ADCY4: variants seen among roughly 807,000 people sequenced by gnomAD.
The protein encoded by ADCY4 is adenylate cyclase 4, also known as adenylate cyclase type 4.
Under a neutral mutation model 125.5 loss-of-function variants are expected in ADCY4, and 111 were observed. That is an observed-to-expected ratio of 0.88 (90% CI 0.76 to 1.04). ADCY4 has a LOEUF of 1.04. Among genes scored for constraint, ADCY4 ranks in the 50% least tolerant of loss-of-function variants. The pLI is 0.00. For missense variants in ADCY4, 1,256 were observed against 1,382.9 expected, an observed-to-expected ratio of 0.91 and a Z score of 1.46; for synonymous variants, 576 against 586.9, an observed-to-expected ratio of 0.98 and a Z score of 0.27.
Position 24,323,093 on chromosome 14 carries a change from G to T in ADCY4, c.2158-5C>A, listed in dbSNP as rs1244940307. 6.2e-7 allele frequency: 1 copy of T among 1,613,820 alleles called. No individual in the cohort carries two copies. The highest frequency in any genetic ancestry group is 8.5e-7 in the Non-Finnish European group (1 of 1,179,860). On this transcript the variant is annotated splice_region_variant and splice_polypyrimidine_tract_variant and intron_variant, in intron 17 of 24. Transcript: ENST00000418030. ...CGTGCAGCAGTGCATGGAGTACTGT[G>T]GGGCCAGGCAGGGGTCAGGAGTGGG...
At chr14:24,326,852 T>C (rs565960002) in intron 10 of ADCY4, among the ~76,000 whole-genome samples, 129 of 149,872 alleles carry the variant, frequency 8.6e-4, no homozygotes, top group Non-Finnish European at 1.5e-3. Flanking sequence ...CCTCGGCTTC[T>C]CAAAGTGCTG....
In ADCY4 at chr14:24,332,453, C is replaced by T. The variant is rs769041733; in HGVS notation, c.519+69G>A. ...GACTTGGAGTCACAGCTCAACAACC[C>T]CCTAAAAGGAGCCTACTAGCACGTG... On this transcript the variant is annotated intron_variant, in intron 3 of 24. Coordinates refer to ENST00000418030, the MANE Select transcript of ADCY4 (RefSeq NM_001198568.2). 1.1e-5 allele frequency: 17 copies of T among 1,496,538 alleles called. No individual in the cohort carries two copies. The African/African-American group carries it at 1.7e-4, about 15-fold the overall frequency. The allele number at this position is 1,496,538 out of a possible 1,614,324, so 92.7% of individuals were successfully genotyped here. A position where few individuals can be genotyped will look rare whatever the true frequency, so the allele number is the denominator to read the frequency against.
rs750000650 is a variant in ADCY4 at position 24,329,472 on chromosome 14, C to T, written c.1279G>A (p.Ala427Thr). The T allele has an allele frequency of 8.2e-6, 13 of 1,581,090 alleles. No homozygotes were observed. The highest frequency in any genetic ancestry group is 4.1e-5 in the African/African-American group (3 of 73,234). The change falls in exon 9 of 25, where the codon GCA becomes ACA. Residue 427 changes from alanine (A) to threonine (T), a missense_variant. Transcript: ENST00000418030. ...TAGGGGTCCCGATGCTCCATGCCTG[C>T]GTCCTCCACAGCATAAGCCCCTGCC... is the stretch of plus-strand genomic sequence containing the variant. ...LLAGAYAVED[A>T]GMEHRDPYLR...
chr14:24,319,876 G>A lies in ADCY4; in HGVS notation c.2599C>T (p.Gln867Ter). 6.2e-7 allele frequency: 1 copy of A among 1,613,536 alleles called. No individual in the cohort carries two copies. The highest frequency in any genetic ancestry group is 8.5e-7 in the Non-Finnish European group (1 of 1,179,954). Residue 867 changes from glutamine to a stop codon, truncating the protein, a stop_gained, in exon 21 of 25, where the codon CAG (glutamine) becomes TAG (stop). Transcript: ENST00000418030. LOFTEE classifies it high-confidence loss of function. This position sits in a 1 kb window ranked among gnomAD's most constrained non-coding sequence, Gnocchi z 4.5. ...AGGACACAAACGCATTCATAGGACT[G>A]GTGGTAGAGATCCTGGGGGAACAGG... The part of the protein sequence containing the change: ...QNRRNEDLYH[Q>*]SYECVCVLFA...
intron 14 of ADCY4, 56 bp downstream of exon 14, chr14:24,325,321 G>A: frequency 6.7e-7 from 1 of 1,488,164 alleles, no homozygotes; most frequent in Non-Finnish European, 9.4e-7. Context: ...GGGGTCATGA[G>A]GGCAAGGTGA....
Position 24,330,298 on chromosome 14 carries a change from G to T in ADCY4, c.931-3C>A. On this transcript the variant is annotated splice_region_variant and splice_polypyrimidine_tract_variant and intron_variant, in intron 6 of 24. Transcript: ENST00000418030. ...TTGATCCGCATGCATTCATGCTCCT[G>T]GGAGTGTGTATGTGGGTGTGCAGAG... 1.2e-6 allele frequency: 2 copies of T among 1,614,118 alleles called. No individual in the cohort carries two copies. The highest frequency in any genetic ancestry group is 2.2e-5 in the South Asian group (2 of 91,058).
At chr14:24,323,748 TCCCAGGTG>T in intron 16 of ADCY4, 1 of 759,762 alleles carries the variant, frequency 1.3e-6, no homozygotes, top group Non-Finnish European at 1.6e-6. Flanking sequence ...GGTGGGTGAT[TCCCAGGTG>T]CCCACCAGGA....
In ADCY4 at chr14:24,322,087, A is replaced by G. The variant is rs2041860770; in HGVS notation, c.2565T>C (p.Ile855=). The part of the protein sequence containing the change: ...VLPAHVAPQF[I]GQNRRNEDLY... ...TCACCTCGTTGCGCCGGTTCTGGCC[A>G]ATGAACTGGGGGGCCACGTGTGCAG... The change falls in exon 20 of 25, where the codon ATT becomes ATC. Residue 855 remains isoleucine, a synonymous_variant. Coordinates refer to ENST00000418030, the MANE Select transcript of ADCY4 (RefSeq NM_001198568.2). The G allele has an allele frequency of 1.2e-6, 2 of 1,613,650 alleles. No individual in the cohort carries two copies. The highest frequency in any genetic ancestry group is 1.7e-6 in the Non-Finnish European group (2 of 1,179,622).
chr14:24,318,455 G>A lies in ADCY4; in HGVS notation c.3195C>T (p.Asp1065=). 2 of 1,614,212 alleles carry A rather than the reference G, an allele frequency of 1.2e-6. No homozygotes were observed. The highest frequency in any genetic ancestry group is 1.7e-6 in the Non-Finnish European group (2 of 1,180,028). ...GQLCTYFLNT[D]LTRTGPPSAT... is the part of the protein sequence containing the mutation. ...CTGAAGGAGGTCCAGTTCGTGTCAA[G>A]TCTGTGTTCAGGAAGTAGGTGCAGA... The change falls in exon 25 of 25, where the codon GAC becomes GAT. Residue 1065 remains aspartate, a synonymous_variant. Coordinates refer to ENST00000418030, the MANE Select transcript of ADCY4 (RefSeq NM_001198568.2).
chr14:24,319,580 C>A lies in ADCY4; in HGVS notation c.2734-144G>T. 1 of 1,199,958 alleles carries A rather than the reference C, an allele frequency of 8.3e-7. No individual in the cohort carries two copies. Among genetic ancestry groups the A allele is most frequent in the Non-Finnish European group, 1.2e-6 (1 of 832,198 alleles). The allele number at this position is 1,199,958 out of a possible 1,614,324, so 74.3% of individuals were successfully genotyped here. A position where few individuals can be genotyped will look rare whatever the true frequency, so the allele number is the denominator to read the frequency against. ...CAGGAAGGAGAGGGTTGGTGGTGGGCAGTGTTGCTGGAGTGGGTAGATCTG... is the reference window on the plus strand; with the variant it reads ...CAGGAAGGAGAGGGTTGGTGGTGGGAAGTGTTGCTGGAGTGGGTAGATCTG... On this transcript the variant is annotated intron_variant, in intron 21 of 24. Transcript: ENST00000418030. This position sits in a 1 kb window ranked among gnomAD's most constrained non-coding sequence, Gnocchi z 4.5.
intron 12 of ADCY4, 44 bp from the exon 13 acceptor site, chr14:24,325,931 G>T: frequency 6.3e-7 from 1 of 1,576,596 alleles, no homozygotes; most frequent in East Asian, 2.3e-5. Context: ...AGAGAACAGA[G>T]GGCACAGAAG....
Position 24,318,723 on chromosome 14 carries a change from A to C in ADCY4, c.3012T>G (p.Tyr1004Ter). ...CGTTCACTGTGTTGCCCCAAATGTC[A>C]TATTGCGGCTTCTGGGCCCCAATAA... ...AGVIGAQKPQ[Y>*]DIWGNTVNVA... The change falls in exon 24 of 25, where the codon TAT (tyrosine) becomes TAG (stop). Residue 1004 changes from tyrosine to a stop codon, truncating the protein, a stop_gained. Transcript: ENST00000418030. LOFTEE classifies it high-confidence loss of function. 6.2e-7 allele frequency: 1 copy of C among 1,614,112 alleles called. No individual in the cohort carries two copies. Among genetic ancestry groups the C allele is most frequent in the Non-Finnish European group, 8.5e-7 (1 of 1,180,020 alleles).
rs1299355427 is a variant in ADCY4, at chr14:24,334,494, C to A, written c.159G>T (p.Arg53Ser). The change falls in exon 1 of 25, where the codon AGG becomes AGT. Residue 53 changes from arginine (R) to serine (S), a missense_variant and splice_region_variant. By Grantham distance (110) the Arg-to-Ser change is moderately radical (BLOSUM62 -1). Coordinates refer to ENST00000418030, the MANE Select transcript of ADCY4 (RefSeq NM_001198568.2). ...CTCCCGCAGCAGAGGCTCGGCTCAC[C>A]CTGCCGCTGGCCCAGGCCACTGCGA... ...ALLAVAWASG[R>S]ELTSDPSFLT... The A allele has an allele frequency of 3.2e-6, 5 of 1,578,104 alleles. No individual in the cohort carries two copies. The highest frequency in any genetic ancestry group is 1.3e-5 in the African/African-American group (1 of 74,218).
At chr14:24,321,097 T>C (rs1160495042) in intron 20 of ADCY4, among the ~76,000 whole-genome samples, 4 of 150,826 alleles carry the variant, frequency 2.7e-5, no homozygotes, top group East Asian at 1.9e-4. Context: ...CATTTCTTTT[T>C]TTTTTTTTTT....
chr14:24,325,374 C>A lies in ADCY4; in HGVS notation c.1823+3G>T. 1 of 1,612,952 alleles carries A rather than the reference C, an allele frequency of 6.2e-7. No homozygotes were observed. Among genetic ancestry groups the A allele is most frequent in the Non-Finnish European group, 8.5e-7 (1 of 1,179,434 alleles). On this transcript the variant is annotated splice_donor_region_variant and intron_variant, in intron 14 of 24. Transcript: ENST00000418030. The stretch of plus-strand genomic sequence containing the variant: ...GGGCCTCCTTTGCCTGGGGCACTCT[C>A]ACCTGTTTGTCACTAGCATCTGGAT...
intron 7 of ADCY4, 46 bp downstream of exon 7, chr14:24,330,122 C>T (rs767445027): frequency 3.7e-6 from 6 of 1,602,342 alleles, no homozygotes; most frequent in Non-Finnish European, 5.1e-6. Flanking sequence ...CCTGCTGCCC[C>T]CCACATCCAC....
Position 24,325,374 on chromosome 14 carries a change from C to T in ADCY4, c.1823+3G>A, listed in dbSNP as rs2041925736. The T allele has an allele frequency of 6.2e-7, 1 of 1,612,952 alleles. No individual in the cohort carries two copies. Among genetic ancestry groups the T allele is most frequent in the African/African-American group, 1.3e-5 (1 of 74,588 alleles). ...GGGCCTCCTTTGCCTGGGGCACTCTCACCTGTTTGTCACTAGCATCTGGAT... is the reference window on the plus strand; with the variant it reads ...GGGCCTCCTTTGCCTGGGGCACTCTTACCTGTTTGTCACTAGCATCTGGAT... On this transcript the variant is annotated splice_donor_region_variant and intron_variant, in intron 14 of 24. Transcript: ENST00000418030.
chr14:24,332,661 A>G lies in ADCY4; in HGVS notation c.380T>C (p.Ile127Thr). Residue 127 changes from isoleucine to threonine, a missense_variant, in exon 3 of 25, where the codon ATC (isoleucine) becomes ACC (threonine). Ile to Thr is a moderately conservative substitution (Grantham distance 89). Coordinates refer to ENST00000418030, the MANE Select transcript of ADCY4 (RefSeq NM_001198568.2). ...WDQVSYFLFVIFTAYAMLPLG... is the reference protein window; with the variant it reads ...WDQVSYFLFVTFTAYAMLPLG... ...GGGCAGCATGGCATACGCCGTGAAG[A>G]TGACGAAGAGAAAATAGGACACCTG... The G allele has an allele frequency of 6.3e-7, 1 of 1,589,694 alleles. No homozygotes were observed. The highest frequency in any genetic ancestry group is 8.6e-7 in the Non-Finnish European group (1 of 1,168,338).
rs78704784 is a variant in ADCY4 at position 24,319,837 on chromosome 14, G to A, written c.2638C>T (p.Pro880Ser). Residue 880 changes from proline (P) to serine (S), a missense_variant, in exon 21 of 25, where the codon CCA becomes TCA. Pro to Ser is a moderately conservative substitution (Grantham distance 74, BLOSUM62 -1). Coordinates refer to ENST00000418030, the MANE Select transcript of ADCY4 (RefSeq NM_001198568.2). The surrounding 1 kb of genome is among the most constrained non-coding windows in gnomAD (Gnocchi z 4.5). Reference protein sequence around the residue: ...ECVCVLFASVPDFKEFYSESN... With the variant: ...ECVCVLFASVSDFKEFYSESN... Reference sequence around the variant, plus strand: ...TCAGAGTAGAACTCCTTGAAGTCTGGGACTGAGGCGAAGAGGACACAAACG... The same window carrying A: ...TCAGAGTAGAACTCCTTGAAGTCTGAGACTGAGGCGAAGAGGACACAAACG... 208 of 1,614,086 alleles carry A rather than the reference G, an allele frequency of 1.3e-4. No individual in the cohort carries two copies. Among genetic ancestry groups the A allele is most frequent in the Non-Finnish European group, 1.6e-4 (186 of 1,180,022 alleles).
Sources: allele counts gnomAD v4.1 joint callset (sites outside exome capture counted in the v4.1 genomes callset), GRCh38; gene constraint gnomAD v4.1.1; non-coding constraint Gnocchi (gnomAD v3.1); transcripts MANE v1.5; gene names NCBI Gene and HGNC (gene_info 2026-07-23, HGNC 2026-07-21).